Variants in PSMA8 observed in about 807,000 individuals in gnomAD.
PSMA8 encodes proteasome 20S subunit alpha 8.
A neutral mutation model predicts 32.4 loss-of-function variants in PSMA8; 18 were observed. That is an observed-to-expected ratio of 0.56 (90% confidence interval 0.38 to 0.82). The LOEUF is 0.82. Ranked by LOEUF, PSMA8 falls within the 40% of genes least tolerant of loss-of-function variation. The probability of loss-of-function intolerance (pLI) is 0.00; values close to 1 mark genes in which losing one functional copy is unlikely to be tolerated. For synonymous variants in PSMA8, 104 were observed against 98.1 expected, an observed-to-expected ratio of 1.06 and a Z score of -0.36; for missense variants, 298 against 300.7, an observed-to-expected ratio of 0.99 and a Z score of 0.07.
intron 6 of PSMA8, among the ~76,000 whole-genome samples, chr18:26,191,132 C>T (rs1330179485): frequency 6.6e-6 from 1 of 152,048 alleles, no homozygotes; most frequent in Non-Finnish European, 1.5e-5. Context: ...TATAATTTAG[C>T]TTTGTGAATC....
chr18:26,164,881 G>A (rs1286279007), intron 4 of PSMA8, among the ~76,000 whole-genome samples: 1 of 152,018 alleles, frequency 6.6e-6, no homozygotes, highest in Non-Finnish European at 1.5e-5. Flanking sequence ...GTTGAGGGGG[G>A]AGGGTTGTTG....
At chr18:26,147,537 T>C (rs558929846) in intron 2 of PSMA8, among the ~76,000 whole-genome samples, 1 of 152,156 alleles carries the variant, frequency 6.6e-6, no homozygotes, top group Non-Finnish European at 1.5e-5. Flanking sequence ...CTTTATACCT[T>C]AAAACTAGGA....
At chr18:26,159,808 C>A (rs12959271) in intron 4 of PSMA8, among the ~76,000 whole-genome samples, 10 of 151,896 alleles carry the variant, frequency 6.6e-5, no homozygotes, top group African/African-American at 2.4e-4. Context: ...ATAAGCACGG[C>A]GCACTCGCTT....
intron 6 of PSMA8, among the ~76,000 whole-genome samples, chr18:26,187,400 AGACTGAGGCAGGAG>A (rs2055364604): frequency 6.6e-6 from 1 of 152,086 alleles, no homozygotes; most frequent in African/African-American, 2.4e-5. Context: ...GCATTTGGGG[AGACTGAGGCAGGAG>A]GATAAGTTCT....
intron 3 of PSMA8, among the ~76,000 whole-genome samples, chr18:26,153,267 TTC>T (rs1387938280): frequency 1.3e-5 from 2 of 152,264 alleles, no homozygotes; most frequent in African/African-American, 2.4e-5. Context: ...CTCTCTCTTA[TTC>T]TCTCTCTGCT....
intron 4 of PSMA8, among the ~76,000 whole-genome samples, chr18:26,166,261 A>C (rs2055179192): frequency 6.6e-6 from 1 of 152,200 alleles, no homozygotes; most frequent in Non-Finnish European, 1.5e-5. Context: ...AGATTTCAAA[A>C]TGTGATCTGC....
At chr18:26,184,645 G>A (rs1190978869) in intron 6 of PSMA8, among the ~76,000 whole-genome samples, 1 of 149,330 alleles carries the variant, frequency 6.7e-6, no homozygotes, top group Non-Finnish European at 1.5e-5. Flanking sequence ...ATGGTGGCAT[G>A]TGCCTGTAAT....
intron 3 of PSMA8, among the ~76,000 whole-genome samples, chr18:26,152,333 T>C (rs2055053268): frequency 6.6e-6 from 1 of 152,148 alleles, no homozygotes; most frequent in African/African-American, 2.4e-5. Context: ...TTTTTGTTTT[T>C]GTGTTTTTTG....
chr18:26,162,837 G>A (rs1265809567), intron 4 of PSMA8, among the ~76,000 whole-genome samples: 3 of 152,044 alleles, frequency 2.0e-5, no homozygotes, highest in Non-Finnish European at 4.4e-5. Context: ...CTGCACTCCA[G>A]CTTGGACAAC....
At chr18:26,177,771 A>G (rs1449731974) in intron 4 of PSMA8, among the ~76,000 whole-genome samples, 1 of 152,202 alleles carries the variant, frequency 6.6e-6, no homozygotes, top group Non-Finnish European at 1.5e-5. Flanking sequence ...TCTAAAATCT[A>G]CAAAAATAGT....
In PSMA8 at chr18:26,158,112, A is replaced by G; in HGVS notation, c.355-10A>G. The G allele has an allele frequency of 6.4e-7, 1 of 1,557,494 alleles. No homozygotes were observed. Among genetic ancestry groups the G allele is most frequent in the Non-Finnish European group, 8.7e-7 (1 of 1,146,034 alleles). ...TAGTTTTATTCTAAAAATACGTTTT[A>G]TTTTTCTAGAAATATACCCAAAGCA... is the stretch of plus-strand genomic sequence containing the variant. On this transcript the variant is annotated splice_polypyrimidine_tract_variant and intron_variant, in intron 3 of 6. Transcript: ENST00000415576.
intron 3 of PSMA8, among the ~76,000 whole-genome samples, chr18:26,152,547 A>C (rs4800246): frequency 0.016 from 2,397 of 151,748 alleles, 27 homozygotes; most frequent in Middle Eastern, 0.024. Flanking sequence ...TTGGTCTTGA[A>C]CTCCTGAGCT....
At chr18:26,190,695 G>A (rs953078421) in intron 6 of PSMA8, among the ~76,000 whole-genome samples, 2 of 152,226 alleles carry the variant, frequency 1.3e-5, no homozygotes, top group Non-Finnish European at 2.9e-5. Flanking sequence ...GTTGCAGTGA[G>A]CTGTGATCAT....
rs1598653211 is a variant in PSMA8 at position 26,158,246 on chromosome 18, T to C, written c.477+2T>C. 6.3e-7 allele frequency: 1 copy of C among 1,592,226 alleles called. No individual in the cohort carries two copies. The highest frequency in any genetic ancestry group is 8.5e-7 in the Non-Finnish European group (1 of 1,170,980). On this transcript the variant is annotated splice_donor_variant, in intron 4 of 6. Coordinates refer to ENST00000415576, the MANE Select transcript of PSMA8 (RefSeq NM_001025096.2). LOFTEE classifies it high-confidence loss of function. ...TCTGGTACTTATCATGCTTGGAAGG[T>C]GAGTCATGAATTTATTAATACTTTT...
intron 6 of PSMA8, among the ~76,000 whole-genome samples, chr18:26,184,649 C>G (rs2055338266): frequency 6.7e-6 from 1 of 149,262 alleles, no homozygotes. Flanking sequence ...TGGCATGTGC[C>G]TGTAATCCCA....
chr18:26,152,670 C>T (rs1290015643), intron 3 of PSMA8, among the ~76,000 whole-genome samples: 1 of 151,962 alleles, frequency 6.6e-6, no homozygotes, highest in Non-Finnish European at 1.5e-5. Flanking sequence ...TGAATGTGTC[C>T]CCCAAAAGTT....
Position 26,133,976 on chromosome 18 carries a change from G to A in PSMA8, c.11G>A (p.Arg4Gln). ...TTGTAGTCCTGTGCGATGGCGTCTCGATATGACAGGGCGATCACTGTCTTC... is the reference window on the plus strand; with the variant it reads ...TTGTAGTCCTGTGCGATGGCGTCTCAATATGACAGGGCGATCACTGTCTTC... MAS[R>Q]YDRAITVFSP... The change falls in exon 1 of 7, where the codon CGA becomes CAA. Residue 4 changes from arginine (R) to glutamine (Q), a missense_variant. Coordinates refer to ENST00000415576, the MANE Select transcript of PSMA8 (RefSeq NM_001025096.2). 3 of 1,613,926 alleles carry A rather than the reference G, an allele frequency of 1.9e-6. No homozygotes were observed. Among genetic ancestry groups the A allele is most frequent in the East Asian group, 4.5e-5 (2 of 44,872 alleles).
intron 4 of PSMA8, among the ~76,000 whole-genome samples, chr18:26,166,601 A>G (rs1309791076): frequency 6.6e-6 from 1 of 152,222 alleles, no homozygotes; most frequent in Non-Finnish European, 1.5e-5. Flanking sequence ...TGCTGCAGGT[A>G]TGGTGAATGT....
intron 3 of PSMA8, among the ~76,000 whole-genome samples, chr18:26,153,851 G>GA (rs1215221675): frequency 2.0e-5 from 3 of 151,794 alleles, no homozygotes; most frequent in Non-Finnish European, 4.4e-5. Context: ...GACATTTTAG[G>GA]TTTTTAGAAC....
Sources: allele counts gnomAD v4.1 joint callset (sites outside exome capture counted in the v4.1 genomes callset), GRCh38; gene constraint gnomAD v4.1.1; transcripts MANE v1.5; gene names NCBI Gene and HGNC (gene_info 2026-07-23, HGNC 2026-07-21).